The following PLAC8L1 variants were observed in gnomAD, a reference collection of about 807,000 sequenced individuals.
The protein encoded by PLAC8L1 is PLAC8-like protein 1.
In PLAC8L1, 13 loss-of-function variants were observed where a neutral mutation model predicts 16.3. The observed-to-expected ratio is 0.80, with a 90% CI of 0.52 to 1.27. The LOEUF (loss-of-function observed/expected upper bound fraction) is 1.27, where lower values mean the gene tolerates loss of function less well. Ranked by LOEUF, PLAC8L1 falls within the 50% of genes most tolerant of loss-of-function variation. PLAC8L1 has a pLI of 0.00. For missense variants in PLAC8L1, 184 were observed against 220.2 expected (o/e 0.84, Z 1.04); for synonymous variants, 78 against 79.3 (o/e 0.98, Z 0.09).
intron 2 of PLAC8L1, 37 bp from the exon 3 acceptor site, chr5:146,085,634 G>T: frequency 6.3e-7 from 1 of 1,587,424 alleles, no homozygotes; most frequent in South Asian, 1.1e-5. Flanking sequence ...AAGGTTCTCA[G>T]ATTTCTTGGA....
At chr5:146,101,543 C>G (rs1297107993) in intron 1 of PLAC8L1, among the ~76,000 whole-genome samples, 1 of 152,192 alleles carries the variant, frequency 6.6e-6, no homozygotes, top group Non-Finnish European at 1.5e-5. Flanking sequence ...TGCTGTTCCT[C>G]CCTGTATACC....
At chr5:146,101,772 G>A (rs1162016387) in intron 1 of PLAC8L1, among the ~76,000 whole-genome samples, 2 of 152,200 alleles carry the variant, frequency 1.3e-5, no homozygotes, top group Non-Finnish European at 2.9e-5. Flanking sequence ...AAAGCTTTCT[G>A]CATTCCTCCA....
At chr5:146,098,385 G>T in intron 1 of PLAC8L1, 93 bp from the exon 2 acceptor site, 3 of 1,305,898 alleles carry the variant, frequency 2.3e-6, no homozygotes, top group Non-Finnish European at 3.1e-6. Context: ...AAGAGATAGG[G>T]ACCCAATGAT....
chr5:146,092,535 A>ATTTTTT (rs35101919), intron 2 of PLAC8L1, among the ~76,000 whole-genome samples: 7 of 100,384 alleles, frequency 7.0e-5, no homozygotes, highest in East Asian at 2.9e-4. Flanking sequence ...ATCTTTGCAG[A>ATTTTTT]TTTTTTTTTT....
chr5:146,093,996 A>G (rs1763667187), intron 2 of PLAC8L1, among the ~76,000 whole-genome samples: 1 of 152,170 alleles, frequency 6.6e-6, no homozygotes, highest in African/African-American at 2.4e-5. Context: ...ATTTCCTTTC[A>G]TAACACTCTG....
chr5:146,096,072 T>G (rs1202079483), intron 2 of PLAC8L1, among the ~76,000 whole-genome samples: 1 of 152,150 alleles, frequency 6.6e-6, no homozygotes, highest in Non-Finnish European at 1.5e-5. Flanking sequence ...GTTAGAGGTG[T>G]GAAACCAAAG....
intron 1 of PLAC8L1, chr5:146,103,666 T>A (rs967481119): frequency 9.1e-6 from 9 of 985,226 alleles, no homozygotes; most frequent in African/African-American, 1.7e-5. Flanking sequence ...CTGTTAAAGT[T>A]TGATGGATGA....
chr5:146,093,906 C>T (rs941178399), intron 2 of PLAC8L1, among the ~76,000 whole-genome samples: 5 of 152,172 alleles, frequency 3.3e-5, no homozygotes, highest in African/African-American at 1.2e-4. Flanking sequence ...GCTGTTTGAG[C>T]GGCTGACTCT....
intron 1 of PLAC8L1, among the ~76,000 whole-genome samples, chr5:146,100,282 C>T (rs1481477184): frequency 6.6e-6 from 1 of 152,098 alleles, no homozygotes; most frequent in Admixed American, 6.6e-5. Context: ...AATGATGTAC[C>T]AGAGCTTGGA....
intron 2 of PLAC8L1, among the ~76,000 whole-genome samples, chr5:146,093,519 C>T (rs1183838786): frequency 6.6e-6 from 1 of 152,166 alleles, no homozygotes; most frequent in African/African-American, 2.4e-5. Flanking sequence ...CAAGCTGACT[C>T]GCAATATCCC....
chr5:146,085,316 T>C (rs1293623517), intron 3 of PLAC8L1, 145 bp downstream of exon 3: 1 of 813,952 alleles, frequency 1.2e-6, no homozygotes, highest in African/African-American at 1.7e-5. Context: ...TTTTTAAATG[T>C]ATTTCCTTTC....
intron 1 of PLAC8L1, among the ~76,000 whole-genome samples, chr5:146,100,149 C>T (rs34601905): frequency 0.22 from 33,740 of 151,720 alleles, 4,774 homozygotes; most frequent in Admixed American, 0.33. Context: ...AGCTAGGTGG[C>T]GATGTCAACG....
intron 2 of PLAC8L1, among the ~76,000 whole-genome samples, chr5:146,094,349 G>C (rs922756823): frequency 6.6e-6 from 1 of 152,098 alleles, no homozygotes; most frequent in Admixed American, 6.5e-5. Flanking sequence ...CAAAGTGCTG[G>C]GATTACAGGT....
At chr5:146,100,482 C>T (rs1022353811) in intron 1 of PLAC8L1, among the ~76,000 whole-genome samples, 1 of 143,738 alleles carries the variant, frequency 7.0e-6, no homozygotes, top group African/African-American at 2.4e-5. Flanking sequence ...CTCAATTAAA[C>T]ACAAAAATCT....
At chr5:146,089,169 A>G (rs570451801) in intron 2 of PLAC8L1, among the ~76,000 whole-genome samples, 2 of 151,946 alleles carry the variant, frequency 1.3e-5, no homozygotes, top group Non-Finnish European at 2.9e-5. Context: ...TATGCTTTTT[A>G]AAAAAAACAC....
At chr5:146,085,323 T>C in intron 3 of PLAC8L1, 138 bp downstream of exon 3, 3 of 893,794 alleles carry the variant, frequency 3.4e-6, no homozygotes, top group Non-Finnish European at 4.9e-6. Flanking sequence ...ATGTATTTCC[T>C]TTCTCAAAGT....
chr5:146,086,024 CTTTT>C (rs58130114), intron 2 of PLAC8L1, among the ~76,000 whole-genome samples: 48 of 90,394 alleles, frequency 5.3e-4, no homozygotes, highest in African/African-American at 5.1e-4. Context: ...ATTGAAAGGT[CTTTT>C]TTTTTTTTTT....
chr5:146,102,283 T>G (rs1193155552), intron 1 of PLAC8L1, among the ~76,000 whole-genome samples: 2 of 152,146 alleles, frequency 1.3e-5, no homozygotes, highest in Non-Finnish European at 2.9e-5. Flanking sequence ...GTTTGTCTAA[T>G]TTTGAACTCA....
At chr5:146,091,201 G>A (rs1394345086) in intron 2 of PLAC8L1, among the ~76,000 whole-genome samples, 1 of 152,226 alleles carries the variant, frequency 6.6e-6, no homozygotes, top group Non-Finnish European at 1.5e-5. Flanking sequence ...CTAGGACCTA[G>A]TGATTCCACT....
Sources: allele counts gnomAD v4.1 joint callset (sites outside exome capture counted in the v4.1 genomes callset), GRCh38; gene constraint gnomAD v4.1.1; transcripts MANE v1.5; gene names NCBI Gene and HGNC (gene_info 2026-07-23, HGNC 2026-07-21).